ARID1A: variants seen among roughly 807,000 people sequenced by gnomAD.
ARID1A encodes AT-rich interaction domain 1A.
In ARID1A, 20 loss-of-function variants were observed where a neutral mutation model predicts 212.6. The ratio of observed to expected loss-of-function variants is 0.09; its 90% CI spans 0.07 to 0.14. The LOEUF is 0.14. Among genes scored for constraint, ARID1A ranks in the 10% least tolerant of loss-of-function variants. The pLI is 1.00. For missense variants in ARID1A, 2,587 were observed against 3,059.0 expected, an observed-to-expected ratio of 0.85 and a Z score of 3.64; for synonymous variants, 1,376 against 1,222.1, an observed-to-expected ratio of 1.13 and a Z score of -2.63.
chr1:26,697,083 C>T lies in ARID1A; in HGVS notation c.680C>T (p.Pro227Leu), dbSNP rs1334915537. 8 of 1,491,028 alleles carry T rather than the reference C, an allele frequency of 5.4e-6. No individual in the cohort carries two copies. The East Asian group carries it at 8.4e-5, about 16-fold the overall frequency. The allele number at this position is 1,491,028 out of a possible 1,614,324, so 92.4% of individuals were successfully genotyped here. ...CGCAGCGCCTACCCCCCGCCCGCCC[C>T]GGCCTACGCGCTGAGCTCCCCGAGA... ...PNRSAYPPPAPAYALSSPRGG... is the reference protein window; with the variant it reads ...PNRSAYPPPALAYALSSPRGG... Residue 227 changes from proline to leucine, a missense_variant, in exon 1 of 20, where the codon CCG becomes CTG. Pro to Leu is a moderately conservative substitution (Grantham distance 98, BLOSUM62 -3). Coordinates refer to ENST00000324856, the MANE Select transcript of ARID1A (RefSeq NM_006015.6).
intron 2 of ARID1A, 106 bp downstream of exon 2, chr1:26,729,969 T>G (rs2080657865): frequency 7.4e-7 from 1 of 1,346,552 alleles, no homozygotes; most frequent in African/African-American, 1.4e-5. Context: ...TTGACAGGAA[T>G]GTAGACCTGT....
intron 4 of ARID1A, among the ~76,000 whole-genome samples, chr1:26,733,317 G>T (rs1323691699): frequency 2.0e-5 from 3 of 151,966 alleles, no homozygotes; most frequent in African/African-American, 7.3e-5. Flanking sequence ...ATGGAATCAG[G>T]TACTTATTTA....
At chr1:26,708,635 T>C (rs926764112) in intron 1 of ARID1A, among the ~76,000 whole-genome samples, 5 of 151,570 alleles carry the variant, frequency 3.3e-5, no homozygotes, top group African/African-American at 1.2e-4. Context: ...TGAAAGTATA[T>C]GCAGAGTGAT....
intron 1 of ARID1A, among the ~76,000 whole-genome samples, chr1:26,701,168 G>A (rs1054334788): frequency 6.6e-6 from 1 of 152,202 alleles, no homozygotes; most frequent in African/African-American, 2.4e-5. Context: ...GGCTAACAAA[G>A]TAATAGGCAG....
Position 26,729,832 on chromosome 1 carries a change from G to C in ARID1A, c.1319G>C (p.Ser440Thr), listed in dbSNP as rs1304476108. Residue 440 changes from serine to threonine, a missense_variant, in exon 2 of 20, where the codon AGT becomes ACT. Ser to Thr is a moderately conservative substitution (Grantham distance 58). Transcript: ENST00000324856. Reference sequence around the variant, plus strand: ...ATGACCATGCAGGGCCGGGCGCAGAGTGCCATGGGCGGCCTCTCTTATACA... The same window carrying C: ...ATGACCATGCAGGGCCGGGCGCAGACTGCCATGGGCGGCCTCTCTTATACA... Reference protein sequence around the residue: ...YPMTMQGRAQSAMGGLSYTQQ... With the variant: ...YPMTMQGRAQTAMGGLSYTQQ... The C allele has an allele frequency of 2.5e-6, 4 of 1,614,092 alleles. No individual in the cohort carries two copies. The African/African-American group carries it at 5.3e-5, about 22-fold the overall frequency.
intron 1 of ARID1A, among the ~76,000 whole-genome samples, chr1:26,725,851 CCTT>C (rs1243795905): frequency 2.8e-5 from 4 of 144,346 alleles, no homozygotes; most frequent in African/African-American, 1.0e-4. Context: ...CTGGTATAAA[CCTT>C]TTTTTTTTTT....
chr1:26,732,634 A>G (rs1236369585), intron 3 of ARID1A, 42 bp from the exon 4 acceptor site: 1 of 1,468,544 alleles, frequency 6.8e-7, no homozygotes. Context: ...TGCCTGGTTT[A>G]TCAATACCAG....
chr1:26,746,353 C>A (rs990394260), intron 4 of ARID1A, among the ~76,000 whole-genome samples: 1 of 152,144 alleles, frequency 6.6e-6, no homozygotes, highest in Non-Finnish European at 1.5e-5. Context: ...CTTGCCTTTT[C>A]TTTTGCTGTT....
chr1:26,720,259 A>G (rs1255102655), intron 1 of ARID1A, among the ~76,000 whole-genome samples: 1 of 151,788 alleles, frequency 6.6e-6, no homozygotes, highest in African/African-American at 2.4e-5. Flanking sequence ...GAAAAAAAAA[A>G]AAAAGGTACA....
intron 4 of ARID1A, among the ~76,000 whole-genome samples, chr1:26,759,105 G>C (rs1372500014): frequency 6.6e-6 from 1 of 152,190 alleles, no homozygotes; most frequent in South Asian, 2.1e-4. Flanking sequence ...ATCTTTCCCG[G>C]GTGAGCTTGT....
chr1:26,702,321 C>T (rs1367448414), intron 1 of ARID1A, among the ~76,000 whole-genome samples: 2 of 152,248 alleles, frequency 1.3e-5, no homozygotes, highest in Non-Finnish European at 2.9e-5. Context: ...TATTCTTTCT[C>T]TTCTCCAGCA....
At chr1:26,715,659 C>T (rs2080495778) in intron 1 of ARID1A, among the ~76,000 whole-genome samples, 1 of 152,094 alleles carries the variant, frequency 6.6e-6, no homozygotes, top group African/African-American at 2.4e-5. Flanking sequence ...AGGATAAGAA[C>T]TTTTTAAAGT....
intron 4 of ARID1A, among the ~76,000 whole-genome samples, chr1:26,745,270 C>T (rs1158229225): frequency 3.3e-5 from 5 of 152,138 alleles, no homozygotes; most frequent in Non-Finnish European, 7.3e-5. Flanking sequence ...AACCTGTGGT[C>T]CAGAATCAGT....
intron 4 of ARID1A, among the ~76,000 whole-genome samples, chr1:26,759,045 G>C (rs2080966902): frequency 1.1e-4 from 1 of 9,486 alleles, no homozygotes; most frequent in African/African-American, 9.1e-4. Context: ...GCTGCCCTCT[G>C]ACCTCCAGTG....
chr1:26,701,160 C>T (rs75547743), intron 1 of ARID1A, among the ~76,000 whole-genome samples: 2,013 of 152,262 alleles, frequency 0.013, 37 homozygotes, highest in Non-Finnish European at 0.018. Flanking sequence ...AGGGAATAGG[C>T]TAACAAAGTA....
rs745413277 is a variant in ARID1A, at chr1:26,780,025, T to C, written c.6127T>C (p.Cys2043Arg). 6.2e-7 allele frequency: 1 copy of C among 1,614,020 alleles called. No homozygotes were observed. Among genetic ancestry groups the C allele is most frequent in the Non-Finnish European group, 8.5e-7 (1 of 1,179,972 alleles). Residue 2043 changes from cysteine (C) to arginine (R), a missense_variant, in exon 20 of 20, where the codon TGC becomes CGC. Physicochemically the swap from Cys to Arg is radical, Grantham distance 180 (BLOSUM62 -3). This residue lies in a region of ARID1A where 168 missense variants were observed against 321.0 expected (regional missense o/e 0.52). Transcript: ENST00000324856. This position sits in a 1 kb window ranked among gnomAD's most constrained non-coding sequence, Gnocchi z 7.2. Reference protein sequence around the residue: ...KEEEQDQGVSCNKVEWWWDCL... With the variant: ...KEEEQDQGVSRNKVEWWWDCL... ...GGAGGAACAGGACCAAGGGGTGAGC[T>C]GCAACAAAGTGGAGTGGTGGTGGGA...
chr1:26,713,768 C>G (rs2080476059), intron 1 of ARID1A, among the ~76,000 whole-genome samples: 1 of 152,186 alleles, frequency 6.6e-6, no homozygotes, highest in African/African-American at 2.4e-5. Flanking sequence ...TCTCATTTCC[C>G]ACTTTATTGT....
At chr1:26,754,801 T>C (rs550531682) in intron 4 of ARID1A, among the ~76,000 whole-genome samples, 2 of 152,274 alleles carry the variant, frequency 1.3e-5, no homozygotes, top group Non-Finnish European at 2.9e-5. Flanking sequence ...CCAATCTCTT[T>C]AGGCATCAGC....
intron 4 of ARID1A, among the ~76,000 whole-genome samples, chr1:26,760,643 G>A (rs754494420): frequency 2.7e-4 from 41 of 151,922 alleles, no homozygotes; most frequent in Non-Finnish European, 4.6e-4. Context: ...GAGCCGAGAC[G>A]TGCCATTGCA....
Sources: gnomAD v4.1 joint callset for allele counts (sites outside exome capture counted in the v4.1 genomes callset) on GRCh38, gnomAD v4.1.1 for gene constraint, gnomAD v4.1.1 regional missense constraint, Gnocchi (gnomAD v3.1) non-coding constraint, MANE v1.5 for transcripts, NCBI Gene and HGNC (gene_info 2026-07-23, HGNC 2026-07-21) for gene names.